The following ANKRD60 variants were observed in gnomAD, a reference collection of about 807,000 sequenced individuals.
The protein encoded by ANKRD60 is ankyrin repeat domain-containing protein 60.
Under a neutral mutation model 21.3 loss-of-function variants are expected in ANKRD60, and 24 were observed. That is an observed-to-expected ratio of 1.13 (90% confidence interval 0.82 to 1.59). The LOEUF is 1.59. ANKRD60 is among the 40% of genes most tolerant of loss of function. ANKRD60 has a pLI of 0.00. For missense variants in ANKRD60, 490 were observed against 466.7 expected, an observed-to-expected ratio of 1.05 and a Z score of -0.46; for synonymous variants, 182 against 199.4, an observed-to-expected ratio of 0.91 and a Z score of 0.74.
chr20:58,226,395 G>A (rs1173909459), intron 1 of ANKRD60, among the ~76,000 whole-genome samples: 1 of 152,150 alleles, frequency 6.6e-6, no homozygotes, highest in Non-Finnish European at 1.5e-5. Flanking sequence ...CATCTGCCCT[G>A]AGATTTGGGG....
At chr20:58,218,555 A>G (rs1340383867) in exon 4 of ANKRD60, 1 of 1,551,636 alleles carries the variant, frequency 6.4e-7, no homozygotes, top group Non-Finnish European at 8.7e-7. Context: ...TCTGCAAAGC[A>G]TTCTTCATGA....
At chr20:58,217,198 A>T (rs1175803031), downstream of ANKRD60, among the ~76,000 whole-genome samples, 1 of 152,144 alleles carries the variant, frequency 6.6e-6, no homozygotes, top group Non-Finnish European at 1.5e-5. Context: ...TGGGAGGCCG[A>T]GGGGGGCAGA....
intron 3 of ANKRD60, 94 bp downstream of exon 3, chr20:58,221,244 A>G: frequency 7.5e-7 from 1 of 1,334,938 alleles, no homozygotes; most frequent in African/African-American, 1.5e-5. Context: ...CCAGGAAACC[A>G]CTGCTGGAAG....
intron 2 of ANKRD60, 62 bp from the exon 3 acceptor site, chr20:58,221,565 C>T (rs1984254315): frequency 2.0e-6 from 3 of 1,513,242 alleles, no homozygotes; most frequent in Non-Finnish European, 1.8e-6. Context: ...TGCTGGACGG[C>T]TGATGGGGCA....
At chr20:58,221,496 C>A in exon 3 of ANKRD60, 1 of 1,551,608 alleles carries the variant, frequency 6.4e-7, no homozygotes, top group Non-Finnish European at 8.7e-7. Flanking sequence ...AAGCCCGAGA[C>A]AAGATAGCTG....
intron 3 of ANKRD60, among the ~76,000 whole-genome samples, chr20:58,220,470 TTCTA>T (rs1384605455): frequency 1.4e-5 from 2 of 143,394 alleles, no homozygotes; most frequent in Non-Finnish European, 3.0e-5. Context: ...AGGCTTCTGT[TTCTA>T]TCTATCAAGA....
Position 58,228,560 on chromosome 20 carries a change from G to A in ANKRD60, c.94C>T (p.His32Tyr), listed in dbSNP as rs904106098. ...CCGCTCCTGCGTCCCGCATTGGGGT[G>A]CAGGCGAGAGGCGCCCCCAGTTGGC... Residue 32 changes from histidine to tyrosine, a missense_variant, in exon 1 of 4, where the codon CAC becomes TAC. Transcript: ENST00000457363. This position sits in a 1 kb window ranked among gnomAD's most constrained non-coding sequence, Gnocchi z 5.3. The A allele has an allele frequency of 3.9e-5, 49 of 1,258,894 alleles. No homozygotes were observed. The highest frequency in any genetic ancestry group is 4.8e-5 in the Non-Finnish European group (48 of 1,003,702). The allele number at this position is 1,258,894 out of a possible 1,614,324, so 78.0% of individuals were successfully genotyped here.
Position 58,228,346 on chromosome 20 carries a change from G to A in ANKRD60, c.308C>T (p.Thr103Met), listed in dbSNP as rs1298465170. 2.6e-6 allele frequency: 4 copies of A among 1,550,608 alleles called. No homozygotes were observed. Among genetic ancestry groups the A allele is most frequent in the Non-Finnish European group, 3.5e-6 (4 of 1,146,934 alleles). Residue 103 changes from threonine to methionine, a missense_variant, in exon 1 of 4, where the codon ACG becomes ATG. Coordinates refer to ENST00000457363, the Ensembl canonical transcript of ANKRD60. The surrounding 1 kb of genome is among the most constrained non-coding windows in gnomAD (Gnocchi z 5.3). ...GTTTGCCACTCGGAACATCTCCCCCGTCTCCTCCAGCCGCACCCGCAGGAC... is the reference window on the plus strand; with the variant it reads ...GTTTGCCACTCGGAACATCTCCCCCATCTCCTCCAGCCGCACCCGCAGGAC...
intron 2 of ANKRD60, among the ~76,000 whole-genome samples, chr20:58,222,630 G>A (rs907106466): frequency 3.3e-5 from 5 of 152,164 alleles, no homozygotes; most frequent in Admixed American, 6.5e-5. Flanking sequence ...CGCTCACCCC[G>A]GGAACGAGGG....
exon 2 of ANKRD60, chr20:58,223,169 A>T (rs1306566776): frequency 3.2e-6 from 5 of 1,546,760 alleles, no homozygotes; most frequent in African/African-American, 1.4e-5. Context: ...GGGTAGTGTC[A>T]TCCATCAAAA....
intron 3 of ANKRD60, among the ~76,000 whole-genome samples, chr20:58,219,120 C>G (rs879462312): frequency 1.3e-5 from 2 of 152,184 alleles, no homozygotes; most frequent in African/African-American, 4.8e-5. Context: ...TCCCCCACCC[C>G]ACCACCAAGG....
Position 58,218,674 on chromosome 20 carries a change from C to G in ANKRD60, c.859G>C (p.Glu287Gln), listed in dbSNP as rs778948404. The G allele has an allele frequency of 1.9e-6, 3 of 1,551,458 alleles. No homozygotes were observed. In the South Asian group the frequency reaches 3.6e-5, roughly 18 times the overall value. ...CGGTGTGCAATGGAGATGGGGGTCTCCCCCTTGGCATCTCTGTCGTGGATG... is the reference window on the plus strand; with the variant it reads ...CGGTGTGCAATGGAGATGGGGGTCTGCCCCTTGGCATCTCTGTCGTGGATG... Residue 287 changes from glutamate (E) to glutamine (Q), a missense_variant, in exon 4 of 4, where the codon GAG (glutamate) becomes CAG (glutamine). Glu to Gln is a conservative substitution (Grantham distance 29, BLOSUM62 2). Coordinates refer to ENST00000457363, the Ensembl canonical transcript of ANKRD60.
Position 58,228,214 on chromosome 20 carries a change from C to A in ANKRD60, c.430+10G>T, listed in dbSNP as rs1045905898. The A allele has an allele frequency of 1.9e-6, 3 of 1,542,386 alleles. No individual in the cohort carries two copies. Among genetic ancestry groups the A allele is most frequent in the Non-Finnish European group, 2.6e-6 (3 of 1,141,532 alleles). Reference sequence around the variant, plus strand: ...CATGTGGCCAGGGAAGGAGTCAGGGCAGGAGCCACCTTCGTCGAGGTACTG... The same window carrying A: ...CATGTGGCCAGGGAAGGAGTCAGGGAAGGAGCCACCTTCGTCGAGGTACTG... On this transcript the variant is annotated intron_variant, in intron 1 of 3. Coordinates refer to ENST00000457363, the Ensembl canonical transcript of ANKRD60. This position sits in a 1 kb window ranked among gnomAD's most constrained non-coding sequence, Gnocchi z 5.3.
intron 1 of ANKRD60, among the ~76,000 whole-genome samples, chr20:58,225,410 CA>C (rs1227136821): frequency 6.6e-6 from 1 of 152,170 alleles, no homozygotes; most frequent in Non-Finnish European, 1.5e-5. Context: ...CATTTCTTTC[CA>C]AATAAAGCCT....
At chr20:58,217,550 C>T (rs1984160662), downstream of ANKRD60, among the ~76,000 whole-genome samples, 1 of 152,122 alleles carries the variant, frequency 6.6e-6, no homozygotes, top group Non-Finnish European at 1.5e-5. Flanking sequence ...AGTCTCGGTG[C>T]TCTCTTCAGA....
downstream of ANKRD60, among the ~76,000 whole-genome samples, chr20:58,216,427 A>T (rs1182406095): frequency 6.6e-6 from 1 of 152,212 alleles, no homozygotes; most frequent in East Asian, 1.9e-4. Context: ...CTCCTGGCAA[A>T]TGCACAACTT....
At chr20:58,219,569 G>A (rs1984203140) in intron 3 of ANKRD60, among the ~76,000 whole-genome samples, 1 of 152,206 alleles carries the variant, frequency 6.6e-6, no homozygotes, top group African/African-American at 2.4e-5. Flanking sequence ...TCCTGCAGAT[G>A]GATGGGCTAA....
intron 3 of ANKRD60, among the ~76,000 whole-genome samples, chr20:58,220,059 T>C (rs1327403224): frequency 6.6e-6 from 1 of 152,170 alleles, no homozygotes; most frequent in East Asian, 1.9e-4. Context: ...TGTTTTCCAC[T>C]TTGCTTGGTG....
intron 1 of ANKRD60, among the ~76,000 whole-genome samples, chr20:58,224,578 A>G (rs776936043): frequency 1.3e-5 from 2 of 152,200 alleles, no homozygotes; most frequent in Non-Finnish European, 2.9e-5. Flanking sequence ...ATGAGCACCA[A>G]TTTGCTACCA....
Sources: gnomAD v4.1 joint callset for allele counts (sites outside exome capture counted in the v4.1 genomes callset) on GRCh38, gnomAD v4.1.1 for gene constraint, Gnocchi (gnomAD v3.1) non-coding constraint, MANE v1.5 for transcripts, NCBI Gene and HGNC (gene_info 2026-07-23, HGNC 2026-07-21) for gene names.